Variants in CNTNAP5 observed in about 807,000 individuals in gnomAD.
CNTNAP5 encodes contactin-associated protein-like 5.
Under a neutral mutation model 150.2 loss-of-function variants are expected in CNTNAP5, and 72 were observed. That is an observed-to-expected ratio of 0.48 (90% confidence interval 0.40 to 0.58). The LOEUF (loss-of-function observed/expected upper bound fraction) is 0.58, where lower values mean the gene tolerates loss of function less well. Ranked by LOEUF, CNTNAP5 falls within the 20% of genes least tolerant of loss-of-function variation. CNTNAP5 has a pLI of 0.00. For missense variants in CNTNAP5, 1,636 were observed against 1,626.2 expected, an observed-to-expected ratio of 1.01 and a Z score of -0.10; for synonymous variants, 672 against 619.8, an observed-to-expected ratio of 1.08 and a Z score of -1.25.
At chr2:124,184,115 A>C (rs931552267) in intron 1 of CNTNAP5, among the ~76,000 whole-genome samples, 4 of 152,090 alleles carry the variant, frequency 2.6e-5, no homozygotes, top group African/African-American at 9.7e-5. Flanking sequence ...GGAGTTTTTG[A>C]GTGGGAGAGA....
rs1217374301 is a variant in CNTNAP5 at position 124,229,890 on chromosome 2, T to G, written c.187+8081T>G. On this transcript the variant is annotated intron_variant, in intron 2 of 23. Coordinates refer to ENST00000682447, the MANE Select transcript of CNTNAP5 (RefSeq NM_001367498.1). ...AGAGGAGAGGTTTGTATTTTTCTAT[T>G]GCATGTTTTTTTTTTCCAAATAGAG... Among the ~76,000 whole-genome samples, 6 of 146,902 alleles carry G rather than the reference T, an allele frequency of 4.1e-5. No individual in the cohort carries two copies. The South Asian group carries it at 1.3e-3, about 31-fold the overall frequency.
chr2:124,542,576 C>A (rs1018643101), intron 10 of CNTNAP5, among the ~76,000 whole-genome samples: 11 of 152,158 alleles, frequency 7.2e-5, no homozygotes, highest in African/African-American at 2.6e-4. Context: ...TTCCCAGTTT[C>A]TTTTGCCCAA....
Position 124,836,898 on chromosome 2 carries a change from G to A in CNTNAP5, c.3218-28408G>A, listed in dbSNP as rs77921052. On this transcript the variant is annotated intron_variant, in intron 19 of 23. Transcript: ENST00000682447. ...AAAGCACTTTGCAAATATGAATTGC[G>A]AATAATAAATAATGCCTTTGATTTC... Among the ~76,000 whole-genome samples the A allele has an allele frequency of 4.5e-3, 684 of 152,144 alleles. 46 individuals carry two copies. In the East Asian group the frequency reaches 0.12, roughly 27 times the overall value.
chr2:124,584,446 A>G (rs569182201), intron 11 of CNTNAP5, among the ~76,000 whole-genome samples: 2 of 152,354 alleles, frequency 1.3e-5, no homozygotes, highest in Admixed American at 6.5e-5. Context: ...TTGCATTAAC[A>G]TAAAATGTCC....
At chr2:124,424,700 TTCAA>T (rs1320186507) in intron 4 of CNTNAP5, among the ~76,000 whole-genome samples, 2 of 152,190 alleles carry the variant, frequency 1.3e-5, no homozygotes, top group Non-Finnish European at 2.9e-5. Context: ...TGAAGGCTCC[TTCAA>T]CAGTCAACAA....
chr2:124,178,539 T>TA (rs1158026840), intron 1 of CNTNAP5, among the ~76,000 whole-genome samples: 3 of 152,222 alleles, frequency 2.0e-5, no homozygotes, highest in Non-Finnish European at 4.4e-5. Flanking sequence ...ATTTCAATGT[T>TA]TTTGTTTAAT....
intron 13 of CNTNAP5, among the ~76,000 whole-genome samples, chr2:124,730,674 A>G (rs994956971): frequency 1.3e-5 from 2 of 152,130 alleles, no homozygotes; most frequent in Non-Finnish European, 2.9e-5. Context: ...ATATTTTTAA[A>G]TGGTACATTT....
chr2:124,331,233 A>G (rs1164578938), intron 3 of CNTNAP5, among the ~76,000 whole-genome samples: 3 of 152,156 alleles, frequency 2.0e-5, no homozygotes, highest in Non-Finnish European at 4.4e-5. Flanking sequence ...CCATGGTTGA[A>G]TATCTGATGG....
At chr2:124,361,096 C>T (rs376982703) in intron 3 of CNTNAP5, among the ~76,000 whole-genome samples, 22 of 145,056 alleles carry the variant, frequency 1.5e-4, no homozygotes, top group Middle Eastern at 3.4e-3. Flanking sequence ...TCCAGTTGAT[C>T]GCATCGGCTC....
chr2:124,184,043 T>C (rs1685270704), intron 1 of CNTNAP5, among the ~76,000 whole-genome samples: 1 of 152,160 alleles, frequency 6.6e-6, no homozygotes, highest in Non-Finnish European at 1.5e-5. Flanking sequence ...CAGAGGGAGT[T>C]CTACATTTGC....
chr2:124,423,279 C>T (rs1435267102), intron 4 of CNTNAP5, among the ~76,000 whole-genome samples: 1 of 152,246 alleles, frequency 6.6e-6, no homozygotes, highest in East Asian at 1.9e-4. Flanking sequence ...TTACAAGCAT[C>T]GTTACCTTCG....
At chr2:124,202,944 C>A (rs57779005) in intron 1 of CNTNAP5, among the ~76,000 whole-genome samples, 28,862 of 151,916 alleles carry the variant, frequency 0.19, 2,843 homozygotes, top group East Asian at 0.25. Flanking sequence ...CTCATATCCT[C>A]GCATTTTAAA....
intron 12 of CNTNAP5, among the ~76,000 whole-genome samples, chr2:124,635,704 T>C (rs965151176): frequency 5.9e-5 from 9 of 152,164 alleles, no homozygotes; most frequent in Non-Finnish European, 1.2e-4. Flanking sequence ...CAAGGAGAGA[T>C]GATGAATCAA....
intron 1 of CNTNAP5, among the ~76,000 whole-genome samples, chr2:124,213,235 A>T (rs1339653303): frequency 1.8e-4 from 27 of 152,198 alleles, no homozygotes; most frequent in Admixed American, 1.6e-3. Context: ...AAGGCAACAT[A>T]TTAAAAATGG....
chr2:124,896,337 T>G (rs1678304006), intron 21 of CNTNAP5, among the ~76,000 whole-genome samples: 1 of 151,362 alleles, frequency 6.6e-6, no homozygotes, highest in Non-Finnish European at 1.5e-5. Context: ...TATTAAGAGA[T>G]ATTTATTTTT....
intron 21 of CNTNAP5, among the ~76,000 whole-genome samples, chr2:124,895,888 C>A (rs1678293971): frequency 6.6e-6 from 1 of 151,246 alleles, no homozygotes; most frequent in South Asian, 2.1e-4. Flanking sequence ...AGTCTGGCAC[C>A]TGAAAAAAAG....
intron 6 of CNTNAP5, among the ~76,000 whole-genome samples, chr2:124,451,328 A>C (rs917620886): frequency 4.6e-5 from 7 of 151,804 alleles, no homozygotes; most frequent in Non-Finnish European, 1.0e-4. Context: ...GAAGTTTTAA[A>C]TAGAGATCAT....
At chr2:124,026,872 G>T (rs1680907392) in intron 1 of CNTNAP5, among the ~76,000 whole-genome samples, 1 of 152,224 alleles carries the variant, frequency 6.6e-6, no homozygotes, top group Admixed American at 6.5e-5. Context: ...CACCCAGTTA[G>T]GTCCTAGAGG....
At chr2:124,542,806 A>C (rs1695418224) in intron 10 of CNTNAP5, among the ~76,000 whole-genome samples, 1 of 152,058 alleles carries the variant, frequency 6.6e-6, no homozygotes, top group Admixed American at 6.6e-5. Flanking sequence ...GTGCCCTGTG[A>C]TTATTTACTT....
Sources: allele counts gnomAD v4.1 joint callset (sites outside exome capture counted in the v4.1 genomes callset), GRCh38; gene constraint gnomAD v4.1.1; transcripts MANE v1.5; gene names NCBI Gene and HGNC (gene_info 2026-07-23, HGNC 2026-07-21).